Variants in CDCA7L observed in about 807,000 individuals in gnomAD.
The protein encoded by CDCA7L is cell division cycle associated 7 like, also known as cell division cycle-associated 7-like protein.
CDCA7L carries 44 observed loss-of-function variants against 57.4 expected under a neutral mutation model. The ratio of observed to expected loss-of-function variants is 0.77; its 90% confidence interval spans 0.60 to 0.98. CDCA7L has a LOEUF of 0.98. Among genes scored for constraint, CDCA7L ranks in the 50% least tolerant of loss-of-function variants. CDCA7L has a pLI of 0.00. For synonymous variants in CDCA7L, 236 were observed against 202.8 expected, an observed-to-expected ratio of 1.16 and a Z score of -1.39; for missense variants, 644 against 580.6, an observed-to-expected ratio of 1.11 and a Z score of -1.12.
intron 9 of CDCA7L, chr7:21,902,565 C>CGATTCACAGTTTATTA (rs1784954657): frequency 1.7e-6 from 1 of 578,926 alleles, no homozygotes; most frequent in South Asian, 2.2e-5. Flanking sequence ...TCCAGAACCA[C>CGATTCACAGTTTATTA]GATTCAGAGT....
chr7:21,933,478 G>C (rs534344803), intron 1 of CDCA7L, among the ~76,000 whole-genome samples: 2 of 152,242 alleles, frequency 1.3e-5, no homozygotes, highest in East Asian at 3.9e-4. Flanking sequence ...CCATAAAAAA[G>C]GATGTGTTCA....
intron 1 of CDCA7L, among the ~76,000 whole-genome samples, chr7:21,939,053 T>A (rs1020933834): frequency 6.6e-6 from 1 of 152,046 alleles, no homozygotes; most frequent in African/African-American, 2.4e-5. Flanking sequence ...TACTATAACA[T>A]GGATAAACTT....
In CDCA7L at chr7:21,901,255, G is replaced by C; in HGVS notation, c.*1067C>G. On this transcript the variant is annotated 3_prime_UTR_variant, in exon 10 of 10. Coordinates refer to ENST00000406877, the MANE Select transcript of CDCA7L (RefSeq NM_018719.5). ...AGTGGCTCTGCTTCTAGAAGCGTAA[G>C]GTAACACTGGCATTCCTCTAGCCTC... 2 of 1,599,418 alleles carry C rather than the reference G, an allele frequency of 1.3e-6. No homozygotes were observed. Among genetic ancestry groups the C allele is most frequent in the East Asian group, 2.3e-5 (1 of 44,354 alleles).
intron 1 of CDCA7L, among the ~76,000 whole-genome samples, chr7:21,934,739 G>A (rs762710473): frequency 1.2e-4 from 18 of 152,012 alleles, no homozygotes; most frequent in African/African-American, 2.4e-4. Context: ...AAAGATACTC[G>A]ATGCAAATAA....
At chr7:21,912,891 C>G (rs1165199393) in intron 2 of CDCA7L, among the ~76,000 whole-genome samples, 3 of 152,094 alleles carry the variant, frequency 2.0e-5, no homozygotes, top group Non-Finnish European at 4.4e-5. Context: ...AGATGGAAAC[C>G]CAACTCTCTT....
chr7:21,938,449 G>A (rs1014536863), intron 1 of CDCA7L, among the ~76,000 whole-genome samples: 4 of 152,108 alleles, frequency 2.6e-5, no homozygotes, highest in African/African-American at 9.7e-5. Flanking sequence ...CACTGCTTAT[G>A]ATGATATAAA....
intron 4 of CDCA7L, among the ~76,000 whole-genome samples, chr7:21,906,840 T>C (rs761954630): frequency 6.6e-6 from 1 of 152,204 alleles, no homozygotes. Context: ...ATCATTCATA[T>C]GAATGAACAC....
intron 4 of CDCA7L, 31 bp from the exon 5 acceptor site, chr7:21,906,670 C>CA: frequency 6.2e-7 from 1 of 1,608,812 alleles, no homozygotes. Context: ...AAGAATCTTA[C>CA]AAAAATAGGG....
chr7:21,921,341 C>CAAAAAA (rs1583861070), intron 1 of CDCA7L, among the ~76,000 whole-genome samples: 2 of 8,064 alleles, frequency 2.5e-4, no homozygotes, highest in African/African-American at 3.7e-4. Flanking sequence ...TCAAGATTTG[C>CAAAAAA]CAAAAAAAAA....
At position 21,916,830 on chromosome 7, in the gene CDCA7L, C is replaced by A; in HGVS notation, c.89G>T (p.Arg30Leu). The change falls in exon 2 of 10, where the codon CGA becomes CTA. Residue 30 changes from arginine (R) to leucine (L), a missense_variant. Physicochemically the swap from Arg to Leu is moderately radical, Grantham distance 102 (BLOSUM62 -2). Coordinates refer to ENST00000406877, the MANE Select transcript of CDCA7L (RefSeq NM_018719.5). Reference protein sequence around the residue: ...PSDDEEFVGFRDDVPMETLSS... With the variant: ...PSDDEEFVGFLDDVPMETLSS... ...GAGGGTTTCCATGGGAACATCATCT[C>A]GGAAGCCAACAAACTCTTCATCATC... is the stretch of plus-strand genomic sequence containing the variant. 1 of 1,614,060 alleles carries A rather than the reference C, an allele frequency of 6.2e-7. No individual in the cohort carries two copies. The highest frequency in any genetic ancestry group is 8.5e-7 in the Non-Finnish European group (1 of 1,179,968).
At chr7:21,934,510 A>G (rs996253206) in intron 1 of CDCA7L, among the ~76,000 whole-genome samples, 3 of 152,204 alleles carry the variant, frequency 2.0e-5, no homozygotes, top group African/African-American at 7.2e-5. Context: ...AATGAGGGAC[A>G]AAAAAGCCAT....
At chr7:21,925,017 C>A (rs1383706637) in intron 1 of CDCA7L, among the ~76,000 whole-genome samples, 2 of 151,800 alleles carry the variant, frequency 1.3e-5, no homozygotes, top group Non-Finnish European at 2.9e-5. Context: ...GTAAAGGAGA[C>A]CAAAATGGAA....
chr7:21,941,993 GAGGA>G (rs910808941), intron 1 of CDCA7L, among the ~76,000 whole-genome samples: 37 of 152,186 alleles, frequency 2.4e-4, no homozygotes, highest in African/African-American at 8.7e-4. Flanking sequence ...AAAAGCAGAA[GAGGA>G]AGGGAGTTCA....
chr7:21,945,686 G>T, intron 1 of CDCA7L, 95 bp downstream of exon 1: 1 of 1,500,604 alleles, frequency 6.7e-7, no homozygotes, highest in Non-Finnish European at 9.1e-7. Context: ...CGCAGCCAAG[G>T]GCCACGTTTC....
At chr7:21,920,083 CTACTAATACAGTTTGT>C (rs1562629179) in intron 1 of CDCA7L, among the ~76,000 whole-genome samples, 1 of 152,196 alleles carries the variant, frequency 6.6e-6, no homozygotes, top group Non-Finnish European at 1.5e-5. Flanking sequence ...AATGCAATGA[CTACTAATACAGTTTGT>C]TGCTACCACC....
At position 21,912,509 on chromosome 7, in the gene CDCA7L, G is replaced by C. The variant is rs373667371; in HGVS notation, c.166-755C>G. ...CACATAGAACCAAAACACATGGAAA[G>C]AAGATATGAGGAGAAAACCTGGCTC... is the stretch of plus-strand genomic sequence containing the variant. On this transcript the variant is annotated intron_variant, in intron 2 of 9. Coordinates refer to ENST00000406877, the MANE Select transcript of CDCA7L (RefSeq NM_018719.5). Among the ~76,000 whole-genome samples the C allele has an allele frequency of 4.6e-5, 7 of 152,300 alleles. 1 individual carries two copies. In the East Asian group the frequency reaches 1.2e-3, roughly 25 times the overall value.
chr7:21,921,750 G>C (rs1785661588), intron 1 of CDCA7L, among the ~76,000 whole-genome samples: 3 of 151,206 alleles, frequency 2.0e-5, no homozygotes, highest in African/African-American at 7.3e-5. Flanking sequence ...TCTGAATTAG[G>C]ATAACTACTA....
chr7:21,924,046 A>C (rs1029116869), intron 1 of CDCA7L, among the ~76,000 whole-genome samples: 8 of 152,244 alleles, frequency 5.3e-5, no homozygotes, highest in African/African-American at 1.9e-4. Context: ...AAAATATTTT[A>C]ACGTGAAGTA....
chr7:21,902,937 A>G (rs748158149), intron 9 of CDCA7L, 41 bp downstream of exon 9: 53 of 1,597,610 alleles, frequency 3.3e-5, no homozygotes, highest in Middle Eastern at 1.9e-4. Flanking sequence ...CTCAGCCTCA[A>G]GATTTCAAGC....
Sources: allele counts gnomAD v4.1 joint callset (sites outside exome capture counted in the v4.1 genomes callset), GRCh38; gene constraint gnomAD v4.1.1; transcripts MANE v1.5; gene names NCBI Gene and HGNC (gene_info 2026-07-23, HGNC 2026-07-21).